CNTN5: variants seen among roughly 807,000 people sequenced by gnomAD.
CNTN5 encodes the protein contactin 5, also known as contactin-5.
CNTN5 carries 77 observed loss-of-function variants against 129.1 expected under a neutral mutation model. The ratio of observed to expected loss-of-function variants is 0.60; its 90% confidence interval spans 0.50 to 0.72. The LOEUF is 0.72. Among genes scored for constraint, CNTN5 ranks in the 30% least tolerant of loss-of-function variants. The probability of loss-of-function intolerance (pLI) is 0.00; values close to 1 mark genes in which losing one functional copy is unlikely to be tolerated. For missense variants in CNTN5, 1,478 were observed against 1,328.8 expected, an observed-to-expected ratio of 1.11 and a Z score of -1.75; for synonymous variants, 509 against 465.6, an observed-to-expected ratio of 1.09 and a Z score of -1.20.
In CNTN5 at chr11:99,819,572, C is replaced by A; in HGVS notation, c.84C>A (p.Ser28=). 1.2e-6 allele frequency: 2 copies of A among 1,612,610 alleles called. No homozygotes were observed. Among genetic ancestry groups the A allele is most frequent in the Non-Finnish European group, 1.7e-6 (2 of 1,179,694 alleles). The change falls in exon 4 of 25, where the codon TCC becomes TCA. Residue 28 remains serine, a synonymous_variant. Coordinates refer to ENST00000524871, the MANE Select transcript of CNTN5 (RefSeq NM_014361.4). ...ATTCAAAATCTCTTCCTGGTCTCTC[C>A]ACTTCATATGCTGCTTTGTTAAGAA... The part of the protein sequence containing the change: ...SEYSKSLPGL[S]TSYAALLRIK...
At chr11:99,783,862 C>T (rs899159497) in intron 3 of CNTN5, among the ~76,000 whole-genome samples, 10 of 151,530 alleles carry the variant, frequency 6.6e-5, no homozygotes, top group African/African-American at 2.4e-4. Flanking sequence ...GGAGATATAC[C>T]TAATGCTAGA....
chr11:100,239,889 G>C (rs1230407789), intron 16 of CNTN5, among the ~76,000 whole-genome samples: 1 of 152,100 alleles, frequency 6.6e-6, no homozygotes, highest in Non-Finnish European at 1.5e-5. Context: ...AAAAAGAATG[G>C]CATAAAACAA....
intron 2 of CNTN5, among the ~76,000 whole-genome samples, chr11:99,511,771 T>G (rs140674056): frequency 0.058 from 8,786 of 152,028 alleles, 262 homozygotes; most frequent in South Asian, 0.08. Flanking sequence ...TGTATACATA[T>G]GTAACTAACC....
chr11:99,955,378 T>A (rs1950774132), intron 7 of CNTN5, among the ~76,000 whole-genome samples: 1 of 152,102 alleles, frequency 6.6e-6, no homozygotes, highest in Admixed American at 6.5e-5. Context: ...TTAAATAAAT[T>A]ATTAATAAAA....
intron 3 of CNTN5, among the ~76,000 whole-genome samples, chr11:99,719,707 G>A (rs765919916): frequency 1.3e-5 from 2 of 151,880 alleles, no homozygotes; most frequent in African/African-American, 4.8e-5. Flanking sequence ...CTGAACTGAA[G>A]GAAATCGAGA....
At chr11:99,976,299 G>A (rs1937966811) in intron 8 of CNTN5, among the ~76,000 whole-genome samples, 1 of 152,188 alleles carries the variant, frequency 6.6e-6, no homozygotes, top group Non-Finnish European at 1.5e-5. Context: ...CTAAGCACAT[G>A]GTGCAAACTG....
rs534824273 is a variant in CNTN5, at chr11:99,670,479, T to A, written c.55+114210T>A. Among the ~76,000 whole-genome samples, 39 of 152,272 alleles carry A rather than the reference T, an allele frequency of 2.6e-4. No individual in the cohort carries two copies. In the South Asian group the frequency reaches 8.1e-3, roughly 32 times the overall value. ...AGCCTATCACTCACCTAATCTGACA[T>A]TCACACTGCAGCCAGGGGATTAGAC... On this transcript the variant is annotated intron_variant, in intron 3 of 24. Coordinates refer to ENST00000524871, the MANE Select transcript of CNTN5 (RefSeq NM_014361.4).
chr11:99,279,465 G>T (rs1042229600), intron 1 of CNTN5, among the ~76,000 whole-genome samples: 2 of 151,796 alleles, frequency 1.3e-5, no homozygotes, highest in Non-Finnish European at 2.9e-5. Flanking sequence ...CAGGAGATCT[G>T]CTAATGAGGA....
At chr11:100,031,790 T>C (rs1161495538) in intron 9 of CNTN5, among the ~76,000 whole-genome samples, 2 of 152,362 alleles carry the variant, frequency 1.3e-5, no homozygotes, top group East Asian at 1.9e-4. Flanking sequence ...ACAGGTGTTA[T>C]GTGAAAGAAT....
chr11:100,072,990 C>CAAGAAAAAAAAA (rs1943985232), intron 12 of CNTN5, among the ~76,000 whole-genome samples: 1 of 79,054 alleles, frequency 1.3e-5, no homozygotes. Context: ...TCCCAGGAGG[C>CAAGAAAAAAAAA]AAAAAAAAAA....
chr11:99,346,836 G>A (rs937698584), intron 2 of CNTN5, among the ~76,000 whole-genome samples: 4 of 152,178 alleles, frequency 2.6e-5, no homozygotes, highest in Admixed American at 2.6e-4. Context: ...CAAGAAGGCA[G>A]CCATCCACAA....
At chr11:100,052,175 C>A (rs767031606) in intron 9 of CNTN5, among the ~76,000 whole-genome samples, 1 of 151,784 alleles carries the variant, frequency 6.6e-6, no homozygotes, top group Non-Finnish European at 1.5e-5. Context: ...ATAACAAAAT[C>A]CATTATACAC....
At chr11:100,085,342 A>G (rs906337422) in intron 13 of CNTN5, among the ~76,000 whole-genome samples, 6 of 152,056 alleles carry the variant, frequency 3.9e-5, no homozygotes, top group African/African-American at 1.4e-4. Context: ...AATTTAAAGT[A>G]ATCAGCACAA....
At chr11:99,956,259 A>G (rs1177305010) in intron 7 of CNTN5, among the ~76,000 whole-genome samples, 1 of 152,154 alleles carries the variant, frequency 6.6e-6, no homozygotes, top group East Asian at 1.9e-4. Context: ...ACTGTCTCTG[A>G]AAGTCCCAAT....
At chr11:99,678,070 C>A (rs991676678) in intron 3 of CNTN5, among the ~76,000 whole-genome samples, 14 of 151,952 alleles carry the variant, frequency 9.2e-5, no homozygotes, top group African/African-American at 2.7e-4. Context: ...GTTTTTATTT[C>A]TATTATTTGG....
chr11:99,687,158 GTTGTTTTGTACACT>G (rs1953829950), intron 3 of CNTN5, among the ~76,000 whole-genome samples: 3 of 132,932 alleles, frequency 2.3e-5, no homozygotes, highest in African/African-American at 7.5e-5. Context: ...TTCTTCAATT[GTTGTTTTGTACACT>G]GTTATTTAGT....
At chr11:99,782,205 C>G (rs1255176850) in intron 3 of CNTN5, among the ~76,000 whole-genome samples, 1 of 147,610 alleles carries the variant, frequency 6.8e-6, no homozygotes, top group Non-Finnish European at 1.5e-5. Flanking sequence ...AGAGCCAAAT[C>G]ATGAGTGAAC....
At chr11:99,296,229 C>G (rs536486046) in intron 1 of CNTN5, among the ~76,000 whole-genome samples, 1 of 147,490 alleles carries the variant, frequency 6.8e-6, no homozygotes, top group South Asian at 2.1e-4. Flanking sequence ...TTAGTTTTAC[C>G]TTAAGGGTTC....
intron 1 of CNTN5, among the ~76,000 whole-genome samples, chr11:99,189,930 T>C (rs1858549250): frequency 1.3e-5 from 2 of 151,774 alleles, no homozygotes; most frequent in African/African-American, 4.8e-5. Flanking sequence ...ATTTTTCTAT[T>C]TTTACTTTTG....
Sources: gnomAD v4.1 joint callset for allele counts (sites outside exome capture counted in the v4.1 genomes callset) on GRCh38, gnomAD v4.1.1 for gene constraint, MANE v1.5 for transcripts, NCBI Gene and HGNC (gene_info 2026-07-23, HGNC 2026-07-21) for gene names.